ANLN: variants seen among roughly 807,000 people sequenced by gnomAD.
The protein encoded by ANLN is anillin.
A neutral mutation model predicts 135.1 loss-of-function variants in ANLN; 59 were observed. The observed-to-expected ratio is 0.44, with a 90% confidence interval of 0.35 to 0.54. The LOEUF (loss-of-function observed/expected upper bound fraction) is 0.54, where lower values mean the gene tolerates loss of function less well. ANLN is among the 20% of genes least tolerant of loss of function. ANLN has a pLI of 0.00. For synonymous variants in ANLN, 406 were observed against 456.4 expected (o/e 0.89, Z 1.41); for missense variants, 1,182 against 1,340.0 (o/e 0.88, Z 1.84).
chr7:36,410,720 T>G lies in ANLN; in HGVS notation c.1287+16T>G. 1 of 1,605,310 alleles carries G rather than the reference T, an allele frequency of 6.2e-7. No individual in the cohort carries two copies. The highest frequency in any genetic ancestry group is 8.5e-7 in the Non-Finnish European group (1 of 1,175,310). Reference sequence around the variant, plus strand: ...GCTCAAGCAGGTATGGTGTACTGCATTTAACATTATTCATCACATGGTCTC... The same window carrying G: ...GCTCAAGCAGGTATGGTGTACTGCAGTTAACATTATTCATCACATGGTCTC... On this transcript the variant is annotated intron_variant, in intron 6 of 23. Transcript: ENST00000265748.
rs778862210 is a variant in ANLN at position 36,406,524 on chromosome 7, T to C, written c.831T>C (p.Ala277=). ...TGAATAAAGCCCTATCCTCAAGTGC[T>C]GATGATGCGTCTTTGGTTAATGCCT... ...ASLNKALSSS[A]DDASLVNASI... is the part of the protein sequence containing the mutation. Residue 277 remains alanine, a synonymous_variant, in exon 4 of 24, where the codon GCT becomes GCC. Coordinates refer to ENST00000265748, the MANE Select transcript of ANLN (RefSeq NM_018685.5). 1.3e-6 allele frequency: 2 copies of C among 1,540,240 alleles called. No individual in the cohort carries two copies. Among genetic ancestry groups the C allele is most frequent in the Admixed American group, 2.0e-5 (1 of 51,030 alleles).
Position 36,452,609 on chromosome 7 carries a change from AT to A in ANLN, c.*12del. ...CTATTGGAAAGCCTTAAACCGGGAA[AT>A]TTCCATGCTATCTAGAGGTTTTTGA... On this transcript the variant is annotated 3_prime_UTR_variant, in exon 24 of 24. Coordinates refer to ENST00000265748, the MANE Select transcript of ANLN (RefSeq NM_018685.5). 1 of 1,613,686 alleles carries A rather than the reference AT, an allele frequency of 6.2e-7. No homozygotes were observed. Among genetic ancestry groups the A allele is most frequent in the Non-Finnish European group, 8.5e-7 (1 of 1,179,738 alleles).
intron 21 of ANLN, among the ~76,000 whole-genome samples, chr7:36,442,614 T>A (rs187562276): frequency 0.02 from 3,014 of 152,040 alleles, 47 homozygotes; most frequent in Middle Eastern, 0.054. Flanking sequence ...TTGTTTTTTT[T>A]AATTTTTATT....
In ANLN at chr7:36,406,217, C is replaced by T. The variant is rs148482760; in HGVS notation, c.524C>T (p.Pro175Leu). 490 of 1,611,502 alleles carry T rather than the reference C, an allele frequency of 3.0e-4. 1 individual carries two copies. Among genetic ancestry groups the T allele is most frequent in the Non-Finnish European group, 4.0e-4 (469 of 1,177,924 alleles). The change falls in exon 4 of 24, where the codon CCA becomes CTA. Residue 175 changes from proline (P) to leucine (L), a missense_variant. By Grantham distance (98) the Pro-to-Leu change is moderately conservative. This residue lies in a region of ANLN where 1,022 missense variants were observed against 1,134.0 expected (regional missense o/e 0.90). Transcript: ENST00000265748. ...IPESSLFSPM[P>L]SEEKAASPPR... ...GAAAGCTCACTCTTCTCACCAATGC[C>T]ATCAGAGGAAAAGGCTGCTTCCCCT...
At chr7:36,428,300 G>T (rs1788169213) in intron 20 of ANLN, 3 of 1,270,016 alleles carry the variant, frequency 2.4e-6, no homozygotes, top group Non-Finnish European at 3.1e-6. Flanking sequence ...TATTTTGTCT[G>T]TTTTAGATAA....
At chr7:36,401,406 T>C (rs1013125882) in intron 3 of ANLN, among the ~76,000 whole-genome samples, 5 of 152,314 alleles carry the variant, frequency 3.3e-5, no homozygotes, top group African/African-American at 1.2e-4. Context: ...TGGCGCAATC[T>C]CGGCTCACTG....
Position 36,407,969 on chromosome 7 carries a change from T to C in ANLN, c.1096+13T>C, listed in dbSNP as rs775619052. On this transcript the variant is annotated intron_variant, in intron 5 of 23. Coordinates refer to ENST00000265748, the MANE Select transcript of ANLN (RefSeq NM_018685.5). ...TCTACGACACCAGGTTACGTATTTA[T>C]AAAAAATTTAGTTATTGCTGATTAT... 1.9e-6 allele frequency: 3 copies of C among 1,592,550 alleles called. No individual in the cohort carries two copies. Among genetic ancestry groups the C allele is most frequent in the East Asian group, 2.2e-5 (1 of 44,492 alleles).
At position 36,411,185 on chromosome 7, in the gene ANLN, A is replaced by G; in HGVS notation, c.1395+19A>G. The G allele has an allele frequency of 1.3e-6, 2 of 1,579,028 alleles. No homozygotes were observed. The highest frequency in any genetic ancestry group is 8.6e-7 in the Non-Finnish European group (1 of 1,165,614). On this transcript the variant is annotated intron_variant, in intron 7 of 23. Transcript: ENST00000265748. ...CAAACAGGTAATGTAAACAAGAAAT[A>G]TAAAAACGAACTTGGTCCCCAAATA...
chr7:36,422,547 T>C, intron 13 of ANLN, 86 bp from the exon 14 acceptor site: 1 of 1,213,430 alleles, frequency 8.2e-7, no homozygotes, highest in Non-Finnish European at 1.1e-6. Flanking sequence ...TACGTACAGT[T>C]TCCATATCAG....
chr7:36,451,948 T>C (rs1330972975), intron 23 of ANLN, among the ~76,000 whole-genome samples: 2 of 152,204 alleles, frequency 1.3e-5, no homozygotes, highest in African/African-American at 4.8e-5. Flanking sequence ...TAGGATCTTT[T>C]GATAGTTTAT....
Position 36,406,305 on chromosome 7 carries a change from T to G in ANLN, c.612T>G (p.Asn204Lys). The G allele has an allele frequency of 6.2e-7, 1 of 1,614,200 alleles. No homozygotes were observed. The highest frequency in any genetic ancestry group is 8.5e-7 in the Non-Finnish European group (1 of 1,180,006). The change falls in exon 4 of 24, where the codon AAT becomes AAG. Residue 204 changes from asparagine (N) to lysine (K), a missense_variant. By Grantham distance (94) the Asn-to-Lys change is moderately conservative. Around this residue, in one of 3 missense-constraint regions of ANLN, gnomAD observed 1,022 missense variants for 1,134.0 expected, o/e 0.90. Transcript: ENST00000265748. ...TTGGCAGAAGGGGCCGTCTGGCCAA[T>G]CTTGCTGCAACTATTTGCTCCTGGG... ...TPVGRRGRLA[N>K]LAATICSWED...
chr7:36,447,535 C>T (rs1396486076), intron 22 of ANLN, among the ~76,000 whole-genome samples: 1 of 151,418 alleles, frequency 6.6e-6, no homozygotes, highest in Non-Finnish European at 1.5e-5. Flanking sequence ...CGCCATTCTC[C>T]TGCCTTAGCC....
intron 7 of ANLN, 119 bp from the exon 8 acceptor site, chr7:36,415,639 G>A: frequency 5.2e-6 from 6 of 1,159,122 alleles, no homozygotes; most frequent in Non-Finnish European, 5.8e-6. Context: ...TATCTCTTTG[G>A]TTCTAAGGAA....
rs756192955 is a variant in ANLN at position 36,406,389 on chromosome 7, C to T, written c.696C>T (p.Thr232=). The T allele has an allele frequency of 2.4e-5, 39 of 1,613,330 alleles. No individual in the cohort carries two copies. The highest frequency in any genetic ancestry group is 6.7e-5 in the Admixed American group (4 of 59,978). Residue 232 remains threonine (T), a synonymous_variant, in exon 4 of 24, where the codon ACC becomes ACT. Transcript: ENST00000265748. ...KQNSVQEQPG[T]ACLSKFSSAS... Reference sequence around the variant, plus strand: ...ACAGTGTACAAGAACAGCCTGGTACCGCTTGTTTATCCAAATTTTCCTCTG... The same window carrying T: ...ACAGTGTACAAGAACAGCCTGGTACTGCTTGTTTATCCAAATTTTCCTCTG...
chr7:36,439,157 C>A (rs994743607), intron 20 of ANLN, 47 bp from the exon 21 acceptor site: 1 of 1,050,822 alleles, frequency 9.5e-7, no homozygotes, highest in Non-Finnish European at 1.5e-6. Flanking sequence ...CAAGAAAAAT[C>A]ACACTTTGAA....
At chr7:36,395,633 T>G (rs964741599) in intron 1 of ANLN, among the ~76,000 whole-genome samples, 2 of 152,148 alleles carry the variant, frequency 1.3e-5, no homozygotes, top group African/African-American at 4.8e-5. Flanking sequence ...CTTAAAACAA[T>G]ACTCTTATTT....
chr7:36,446,084 T>A (rs1227550295), intron 22 of ANLN, among the ~76,000 whole-genome samples: 2 of 152,234 alleles, frequency 1.3e-5, no homozygotes, highest in Non-Finnish European at 2.9e-5. Flanking sequence ...GCAATTATAT[T>A]TCCCTAGTCT....
rs761217773 is a variant in ANLN at position 36,420,298 on chromosome 7, C to T, written c.1999C>T (p.Arg667Cys). 2.0e-5 allele frequency: 32 copies of T among 1,613,784 alleles called. No homozygotes were observed. In the African/African-American group the frequency reaches 2.3e-4, roughly 11 times the overall value. ...ESGDSLGSED[R>C]DLLYSIDAYR... ...TGGTGATAGCCTTGGTTCTGAAGAT[C>T]GTGATCTTCTTTACAGGTAAGAACA... Residue 667 changes from arginine to cysteine, a missense_variant, in exon 11 of 24, where the codon CGT becomes TGT. Arg to Cys is a radical substitution (Grantham distance 180, BLOSUM62 -3). Around this residue, in one of 3 missense-constraint regions of ANLN, gnomAD observed 1,022 missense variants for 1,134.0 expected, o/e 0.90. Coordinates refer to ENST00000265748, the MANE Select transcript of ANLN (RefSeq NM_018685.5).
chr7:36,431,561 TTGTGTGTGTG>T (rs1186662720), intron 20 of ANLN, among the ~76,000 whole-genome samples: 2,234 of 75,942 alleles, frequency 0.029, 56 homozygotes, highest in East Asian at 0.084. Flanking sequence ...ATGTGTGTGT[TTGTGTGTGTG>T]TGTGTGTGTG....
Sources: gnomAD v4.1 joint callset for allele counts (sites outside exome capture counted in the v4.1 genomes callset) on GRCh38, gnomAD v4.1.1 for gene constraint, gnomAD v4.1.1 regional missense constraint, MANE v1.5 for transcripts, NCBI Gene and HGNC (gene_info 2026-07-23, HGNC 2026-07-21) for gene names.